The following TMC6 variants were observed in gnomAD, a reference collection of about 807,000 sequenced individuals.
The protein encoded by TMC6 is transmembrane channel like 6.
In TMC6, 71 loss-of-function variants were observed where a neutral mutation model predicts 95.4. The observed-to-expected ratio is 0.74, with a 90% CI of 0.61 to 0.91. The LOEUF is 0.91. TMC6 is among the 40% of genes least tolerant of loss of function. The pLI, the probability that TMC6 is intolerant of heterozygous loss-of-function variation, is 0.00. For missense variants in TMC6, 1,074 were observed against 1,079.1 expected, an observed-to-expected ratio of 1.00 and a Z score of 0.07; for synonymous variants, 514 against 483.1, an observed-to-expected ratio of 1.06 and a Z score of -0.84.
chr17:78,125,237 G>A lies in TMC6; in HGVS notation c.457C>T (p.Leu153Phe), dbSNP rs12449858. 0.097 allele frequency: 153,508 copies of A among 1,583,914 alleles called. 10,482 individuals are homozygous for A. Among genetic ancestry groups the A allele is most frequent in the Admixed American group, 0.31 (17,185 of 55,388 alleles). The change falls in exon 6 of 20, where the codon CTC becomes TTC. Residue 153 changes from leucine to phenylalanine, a missense_variant. Physicochemically the swap from Leu to Phe is conservative, Grantham distance 22. Coordinates refer to ENST00000590602, the MANE Select transcript of TMC6 (RefSeq NM_001127198.5). ...CGCTGTGCCACTGCCAGGCTCTGGAGCTCCTTCACCAGGAGGCTCTGCTTC... is the reference window on the plus strand; with the variant it reads ...CGCTGTGCCACTGCCAGGCTCTGGAACTCCTTCACCAGGAGGCTCTGCTTC... ...EEKQSLLVKE[L>F]QSLAVAQRDH...
rs1389745691 is a variant in TMC6 at position 78,110,073 on chromosome 17, A to G, written c.*3075T>C. 7.0e-6 allele frequency: 1 copy of G among 142,012 alleles called. No homozygotes were observed. The highest frequency in any genetic ancestry group is 1.6e-5 in the Non-Finnish European group (1 of 61,642). 8.8% of individuals were successfully genotyped at this position (142,012 alleles called of 1,614,324 possible). On this transcript the variant is annotated 3_prime_UTR_variant, in exon 20 of 20. Transcript: ENST00000590602. ...AAGAGTGAAACTCCATTCCAAGAAAAAAAAAAAAAATTCACATCCAAAATT... is the reference window on the plus strand; with the variant it reads ...AAGAGTGAAACTCCATTCCAAGAAAGAAAAAAAAAATTCACATCCAAAATT...
intron 15 of TMC6, among the ~76,000 whole-genome samples, chr17:78,118,767 C>T (rs2074259870): frequency 6.6e-6 from 1 of 152,196 alleles, no homozygotes; most frequent in African/African-American, 2.4e-5. Context: ...CCCAGCGATG[C>T]TTCCCAGCCT....
At chr17:78,129,280 A>G (rs1240839084), upstream of TMC6, among the ~76,000 whole-genome samples, 1 of 152,114 alleles carries the variant, frequency 6.6e-6, no homozygotes, top group African/African-American at 2.4e-5. The surrounding 1 kb of genome is among the most constrained non-coding windows in gnomAD (Gnocchi z 4.3). Flanking sequence ...GGGGATGAAA[A>G]GGAGGACACG....
intron 18 of TMC6, among the ~76,000 whole-genome samples, chr17:78,114,402 C>T (rs939161189): frequency 1.6e-4 from 25 of 152,140 alleles, no homozygotes; most frequent in Admixed American, 2.6e-4. Context: ...TACCTGCAAT[C>T]GTAATTCCCC....
Position 78,125,826 on chromosome 17 carries a change from G to C in TMC6, c.330C>G (p.Cys110Trp). The C allele has an allele frequency of 6.4e-7, 1 of 1,554,978 alleles. No homozygotes were observed. Among genetic ancestry groups the C allele is most frequent in the Non-Finnish European group, 8.7e-7 (1 of 1,149,330 alleles). The change falls in exon 5 of 20, where the codon TGC (cysteine) becomes TGG (tryptophan). Residue 110 changes from cysteine (C) to tryptophan (W), a missense_variant. Transcript: ENST00000590602. Reference sequence around the variant, plus strand: ...TCCCGAGCAGGGGCCGGCTGCTCCTGCACCGAAGCTGCACCGTGCGGTTGT... The same window carrying C: ...TCCCGAGCAGGGGCCGGCTGCTCCTCCACCGAAGCTGCACCGTGCGGTTGT... Reference protein sequence around the residue: ...QYYNRTVQLRCRSSRPLLGNF... With the variant: ...QYYNRTVQLRWRSSRPLLGNF...
intron 19 of TMC6, 140 bp downstream of exon 19, chr17:78,113,408 G>A (rs1451575345): frequency 3.6e-5 from 43 of 1,205,206 alleles, no homozygotes; most frequent in African/African-American, 4.5e-5. Flanking sequence ...GGTGGGCGCC[G>A]GGGGGGAGAT....
chr17:78,132,214 G>A, upstream of TMC6: 1 of 1,379,594 alleles, frequency 7.2e-7, no homozygotes, highest in Non-Finnish European at 1.0e-6. Context: ...AGCACCCCCA[G>A]GTGACTGTCA....
intron 19 of TMC6, 80 bp from the exon 20 acceptor site, chr17:78,113,291 G>A: frequency 6.8e-7 from 1 of 1,473,408 alleles, no homozygotes; most frequent in East Asian, 2.5e-5. Flanking sequence ...CCAAGGCCCG[G>A]CGAGGGACAG....
At chr17:78,127,811 A>T (rs528542589) in intron 1 of TMC6, among the ~76,000 whole-genome samples, 2 of 152,248 alleles carry the variant, frequency 1.3e-5, no homozygotes, top group African/African-American at 2.4e-5. Context: ...CAGGGGTGCC[A>T]GTCACAGGAC....
At chr17:78,125,705 C>A in intron 5 of TMC6, 21 bp downstream of exon 5, 1 of 1,557,756 alleles carries the variant, frequency 6.4e-7, no homozygotes, top group Non-Finnish European at 8.7e-7. Flanking sequence ...GCCACTGGGG[C>A]TCCAGTGCCC....
At chr17:78,118,264 G>A in intron 15 of TMC6, 1 of 433,266 alleles carries the variant, frequency 2.3e-6, no homozygotes, top group Non-Finnish European at 4.3e-6. Flanking sequence ...AGACGAGACA[G>A]GAGCCAGGAT....
At chr17:78,131,355 A>C, upstream of TMC6, 1 of 614,236 alleles carries the variant, frequency 1.6e-6, no homozygotes, top group Non-Finnish European at 2.8e-6. Context: ...CGACCGCAGC[A>C]GGATTCTCTC....
chr17:78,125,369 A>G (rs908607195), intron 5 of TMC6, 106 bp from the exon 6 acceptor site: 110 of 1,019,426 alleles, frequency 1.1e-4, no homozygotes, highest in Middle Eastern at 1.0e-3. Context: ...CCGTCCCGAG[A>G]CACCTCGGTG....
chr17:78,113,661 T>C lies in TMC6; in HGVS notation c.2278-37A>G, dbSNP rs193278163. ...AGAACACAAAGGGGAGGAGAAATCA[T>C]CCATCAGCCCATCCAGAGCCATCCT... On this transcript the variant is annotated intron_variant, in intron 18 of 19. Transcript: ENST00000590602. 3,507 of 1,607,148 alleles carry C rather than the reference T, an allele frequency of 2.2e-3. 4 individuals carry two copies. The highest frequency in any genetic ancestry group is 2.5e-3 in the Non-Finnish European group (2,950 of 1,176,194).
chr17:78,125,525 C>T (rs527447462), intron 5 of TMC6, among the ~76,000 whole-genome samples: 14 of 152,264 alleles, frequency 9.2e-5, no homozygotes, highest in East Asian at 1.9e-4. Flanking sequence ...CACTCCAAGG[C>T]GCTTGTGAGG....
At chr17:78,120,216 G>T in intron 13 of TMC6, 1 of 348,198 alleles carries the variant, frequency 2.9e-6, no homozygotes, top group South Asian at 2.2e-5. Context: ...CTGGAGTGCA[G>T]AGGCGCAATC....
In TMC6 at chr17:78,125,251, A is replaced by G; in HGVS notation, c.443T>C (p.Leu148Pro). The G allele has an allele frequency of 6.3e-7, 1 of 1,576,168 alleles. No individual in the cohort carries two copies. Among genetic ancestry groups the G allele is most frequent in the Non-Finnish European group, 8.6e-7 (1 of 1,160,280 alleles). Reference sequence around the variant, plus strand: ...CAGGCTCTGGAGCTCCTTCACCAGGAGGCTCTGCTTCTCTGCGAGAGGGAG... The same window carrying G: ...CAGGCTCTGGAGCTCCTTCACCAGGGGGCTCTGCTTCTCTGCGAGAGGGAG... ...TALEEEEKQS[L>P]LVKELQSLAV... is the part of the protein sequence containing the mutation. Residue 148 changes from leucine to proline, a missense_variant, in exon 6 of 20, where the codon CTC becomes CCC. By Grantham distance (98) the Leu-to-Pro change is moderately conservative. Transcript: ENST00000590602.
intron 12 of TMC6, 58 bp downstream of exon 12, chr17:78,120,955 G>A (rs1179672334): frequency 6.2e-7 from 1 of 1,612,770 alleles, no homozygotes. Context: ...TACACCCGGA[G>A]CTAAACAACC....
Position 78,124,137 on chromosome 17 carries a change from T to TA in TMC6, c.933dup (p.Asn312Ter). On this transcript the variant is annotated frameshift_variant, in exon 9 of 20. Transcript: ENST00000590602. LOFTEE classifies it high-confidence loss of function. ...CCACACGGCTGGTTCAGCGTGGCGT[T>TA]ACTGTAGTGGCCGTAGTACATGACG... The TA allele has an allele frequency of 1.2e-6, 2 of 1,612,764 alleles. No homozygotes were observed. The highest frequency in any genetic ancestry group is 2.7e-5 in the African/African-American group (2 of 74,996).
Sources: allele counts gnomAD v4.1 joint callset (sites outside exome capture counted in the v4.1 genomes callset), GRCh38; gene constraint gnomAD v4.1.1; non-coding constraint Gnocchi (gnomAD v3.1); transcripts MANE v1.5; gene names NCBI Gene and HGNC (gene_info 2026-07-23, HGNC 2026-07-21).